Variants in SUGCT observed in about 807,000 individuals in gnomAD.
SUGCT encodes succinyl-CoA:glutarate CoA-transferase.
In SUGCT, 41 loss-of-function variants were observed where a neutral mutation model predicts 55.0. The ratio of observed to expected loss-of-function variants is 0.74; its 90% CI spans 0.58 to 0.97. The LOEUF is 0.97. Ranked by LOEUF, SUGCT falls within the 50% of genes least tolerant of loss-of-function variation. The probability of loss-of-function intolerance (pLI) is 0.00; values close to 1 mark genes in which losing one functional copy is unlikely to be tolerated. For synonymous variants in SUGCT, 187 were observed against 200.4 expected (o/e 0.93, Z 0.56); for missense variants, 568 against 547.8 (o/e 1.04, Z -0.37).
At chr7:41,025,752 G>A in the SUGCT span, among the ~76,000 whole-genome samples, 2 of 152,192 alleles carry the variant, frequency 1.3e-5, no homozygotes, top group Non-Finnish European at 1.5e-5. Context: ...GTGAAAAAAT[G>A]TTAAATTCTG....
At chr7:40,616,719 T>C (rs1799020091) in intron 12 of SUGCT, among the ~76,000 whole-genome samples, 1 of 152,198 alleles carries the variant, frequency 6.6e-6, no homozygotes, top group Non-Finnish European at 1.5e-5. Flanking sequence ...TGTCCTTCAC[T>C]CAGGGAGAAG....
intron 9 of SUGCT, among the ~76,000 whole-genome samples, chr7:40,324,585 C>G (rs1231193177): frequency 6.6e-6 from 1 of 152,050 alleles, no homozygotes; most frequent in African/African-American, 2.4e-5. Context: ...AAAAAGCCCA[C>G]CAACCTTTCT....
chr7:40,832,488 G>C (rs927335762), intron 13 of SUGCT, among the ~76,000 whole-genome samples: 2 of 151,634 alleles, frequency 1.3e-5, no homozygotes, highest in African/African-American at 2.4e-5. Context: ...TTAAGAGAAG[G>C]ATAGCTATAA....
At chr7:40,242,933 A>ATATATATATATATATATATATATT (rs1270335224) in intron 7 of SUGCT, among the ~76,000 whole-genome samples, 3 of 17,218 alleles carry the variant, frequency 1.7e-4, no homozygotes, top group East Asian at 3.8e-3. Context: ...ATATATATAT[A>ATATATATATATATATATATATATT]TTTTTTTTTT....
chr7:40,554,997 C>A lies in SUGCT; in HGVS notation c.1089+58611C>A, dbSNP rs149884687. Among the ~76,000 whole-genome samples, 1,468 of 152,288 alleles carry A rather than the reference C, an allele frequency of 9.6e-3. 18 individuals carry two copies. Among genetic ancestry groups the A allele is most frequent in the East Asian group, 0.03 (153 of 5,186 alleles). ...TATCCTGGCCCATGAAACTGCTATT[C>A]CTTCATAAACTATACTTTAATATAT... is the stretch of plus-strand genomic sequence containing the variant. On this transcript the variant is annotated intron_variant, in intron 12 of 13. Coordinates refer to ENST00000335693, the MANE Select transcript of SUGCT (RefSeq NM_001193313.2).
intron 9 of SUGCT, among the ~76,000 whole-genome samples, chr7:40,425,815 G>C (rs1787558031): frequency 6.6e-6 from 1 of 152,098 alleles, no homozygotes; most frequent in Non-Finnish European, 1.5e-5. Flanking sequence ...ATCTGGTGGG[G>C]TTCCAAGTAG....
the SUGCT span, among the ~76,000 whole-genome samples, chr7:40,888,828 C>G: frequency 6.6e-6 from 1 of 152,148 alleles, no homozygotes; most frequent in Non-Finnish European, 1.5e-5. Flanking sequence ...GTCACCTACT[C>G]CCGAGTATGC....
Position 40,335,579 on chromosome 7 carries a change from A to G in SUGCT, c.816+18724A>G, listed in dbSNP as rs1397659611. Among the ~76,000 whole-genome samples the G allele has an allele frequency of 8.3e-4, 126 of 152,194 alleles. 1 individual carries two copies. The highest frequency in any genetic ancestry group is 1.4e-3 in the Non-Finnish European group (92 of 68,014). On this transcript the variant is annotated intron_variant, in intron 9 of 13. Transcript: ENST00000335693. ...GTTATTGGTGTATAAGAATGCTTGT[A>G]ATTTTTGCACATTGATTTTGTATCC...
At chr7:40,511,132 C>T (rs1013259652) in intron 12 of SUGCT, among the ~76,000 whole-genome samples, 9 of 152,136 alleles carry the variant, frequency 5.9e-5, no homozygotes, top group African/African-American at 1.7e-4. Flanking sequence ...AAAGTAATAA[C>T]CTTACTGTGG....
At chr7:40,644,609 ACTCT>A (rs1355349296) in intron 12 of SUGCT, among the ~76,000 whole-genome samples, 1 of 152,042 alleles carries the variant, frequency 6.6e-6, no homozygotes, top group South Asian at 2.1e-4. Context: ...ACCCACAGGC[ACTCT>A]CTGCTCAGGG....
Position 40,709,022 on chromosome 7 carries a change from A to G in SUGCT, c.1090-40412A>G, listed in dbSNP as rs562756475. Among the ~76,000 whole-genome samples, 8 of 152,324 alleles carry G rather than the reference A, an allele frequency of 5.3e-5. No individual in the cohort carries two copies. The South Asian group carries it at 1.7e-3, about 32-fold the overall frequency. ...TCAATGAATTATTTTGTTAGTAAAC[A>G]TGAGTACTTGCCTCTCTTGGAACTT... On this transcript the variant is annotated intron_variant, in intron 12 of 13. Coordinates refer to ENST00000335693, the MANE Select transcript of SUGCT (RefSeq NM_001193313.2).
intron 12 of SUGCT, among the ~76,000 whole-genome samples, chr7:40,496,601 C>A (rs896124338): frequency 1.7e-4 from 26 of 152,260 alleles, no homozygotes; most frequent in African/African-American, 5.8e-4. Context: ...TACTGTATTT[C>A]TTCATCAGCC....
chr7:40,223,038 CTT>C (rs1788126765), intron 6 of SUGCT, among the ~76,000 whole-genome samples: 1 of 149,498 alleles, frequency 6.7e-6, no homozygotes, highest in Non-Finnish European at 1.5e-5. Context: ...TCCTTCCTTC[CTT>C]CCATCCATCC....
chr7:40,334,385 T>G (rs1191538026), intron 9 of SUGCT, among the ~76,000 whole-genome samples: 1 of 152,226 alleles, frequency 6.6e-6, no homozygotes. Context: ...AAAGTGTTCC[T>G]ATTTCTCCAC....
chr7:40,447,227 C>T (rs1359715788), intron 9 of SUGCT, among the ~76,000 whole-genome samples: 1 of 152,104 alleles, frequency 6.6e-6, no homozygotes, highest in Non-Finnish European at 1.5e-5. Flanking sequence ...TAGTGACTGG[C>T]TAATTTCAGT....
intron 1 of SUGCT, among the ~76,000 whole-genome samples, chr7:40,178,600 A>G (rs575036896): frequency 1.3e-5 from 2 of 152,064 alleles, no homozygotes; most frequent in South Asian, 2.1e-4. Flanking sequence ...GAGAAATTCA[A>G]TGTCCTCCTG....
At chr7:40,603,570 C>T (rs950065570) in intron 12 of SUGCT, among the ~76,000 whole-genome samples, 2 of 152,018 alleles carry the variant, frequency 1.3e-5, no homozygotes, top group African/African-American at 4.8e-5. Context: ...AATCTCAAAT[C>T]CCTTGAGATT....
the SUGCT span, among the ~76,000 whole-genome samples, chr7:40,937,677 GT>G: frequency 6.6e-6 from 1 of 151,624 alleles, no homozygotes; most frequent in Non-Finnish European, 1.5e-5. Flanking sequence ...AATTTTTTTT[GT>G]CTGAACGTCT....
At chr7:40,264,798 A>G (rs1167496586) in intron 7 of SUGCT, among the ~76,000 whole-genome samples, 4 of 152,180 alleles carry the variant, frequency 2.6e-5, no homozygotes, top group Non-Finnish European at 5.9e-5. Context: ...TCTTGAATCC[A>G]TGGCCTCCAC....
Sources: gnomAD v4.1 joint callset for allele counts (sites outside exome capture counted in the v4.1 genomes callset) on GRCh38, gnomAD v4.1.1 for gene constraint, MANE v1.5 for transcripts, NCBI Gene and HGNC (gene_info 2026-07-23, HGNC 2026-07-21) for gene names.